The following BTBD9 variants were observed in gnomAD, a reference collection of about 807,000 sequenced individuals.
The protein encoded by BTBD9 is BTB domain containing 9.
Under a neutral mutation model 64.3 loss-of-function variants are expected in BTBD9, and 49 were observed. The ratio of observed to expected loss-of-function variants is 0.76; its 90% confidence interval spans 0.61 to 0.97. The LOEUF (loss-of-function observed/expected upper bound fraction) is 0.97. Among genes scored for constraint, BTBD9 ranks in the 50% least tolerant of loss-of-function variants. The pLI, the probability that BTBD9 is intolerant of heterozygous loss-of-function variation, is 0.00. For missense variants in BTBD9, 598 were observed against 762.1 expected (o/e 0.78, Z 2.53); for synonymous variants, 260 against 274.7 (o/e 0.95, Z 0.53).
At chr6:38,524,870 C>G (rs1404519401) in intron 6 of BTBD9, among the ~76,000 whole-genome samples, 1 of 152,096 alleles carries the variant, frequency 6.6e-6, no homozygotes, top group African/African-American at 2.4e-5. Flanking sequence ...TTTTGTCCTT[C>G]CTTCCTCTCT....
chr6:38,200,891 A>G (rs535115806), intron 9 of BTBD9, among the ~76,000 whole-genome samples: 1 of 152,298 alleles, frequency 6.6e-6, no homozygotes, highest in East Asian at 1.9e-4. Context: ...TAGGTGGCAC[A>G]TGCCTGTAAT....
intron 7 of BTBD9, among the ~76,000 whole-genome samples, chr6:38,310,833 C>T (rs562074977): frequency 2.8e-5 from 4 of 143,268 alleles, no homozygotes; most frequent in African/African-American, 7.6e-5. Flanking sequence ...TTTTTTGAGA[C>T]GAAGTCTCGC....
intron 1 of BTBD9, among the ~76,000 whole-genome samples, chr6:38,632,128 C>CA (rs560417261): frequency 1.4e-5 from 2 of 147,534 alleles, no homozygotes; most frequent in African/African-American, 2.5e-5. Context: ...AACTCCATCT[C>CA]AAAAAAAAAA....
chr6:38,397,521 T>C (rs1324230940), intron 6 of BTBD9, among the ~76,000 whole-genome samples: 1 of 152,188 alleles, frequency 6.6e-6, no homozygotes, highest in Non-Finnish European at 1.5e-5. Flanking sequence ...TTAATTACCT[T>C]GAGGCATTCT....
At chr6:38,395,486 A>C (rs981012565) in intron 6 of BTBD9, among the ~76,000 whole-genome samples, 2 of 152,080 alleles carry the variant, frequency 1.3e-5, no homozygotes, top group African/African-American at 4.8e-5. Flanking sequence ...GCCACCTATA[A>C]ATGAGTAAAT....
chr6:38,443,419 T>C (rs558371229), intron 6 of BTBD9, among the ~76,000 whole-genome samples: 1 of 152,200 alleles, frequency 6.6e-6, no homozygotes, highest in Non-Finnish European at 1.5e-5. Flanking sequence ...TTCATGTTCA[T>C]TTCACAATGC....
At chr6:38,373,062 G>A (rs1310360958) in intron 6 of BTBD9, among the ~76,000 whole-genome samples, 2 of 152,126 alleles carry the variant, frequency 1.3e-5, no homozygotes, top group Non-Finnish European at 2.9e-5. Context: ...GTGGTGACCA[G>A]CAGCAAGCAC....
intron 6 of BTBD9, among the ~76,000 whole-genome samples, chr6:38,526,726 T>C (rs185513185): frequency 1.8e-4 from 28 of 152,374 alleles, no homozygotes; most frequent in African/African-American, 5.8e-4. Context: ...CTGCTGGATT[T>C]TGGACTTGCA....
chr6:38,250,721 T>C (rs1055679277), intron 9 of BTBD9, among the ~76,000 whole-genome samples: 3 of 152,204 alleles, frequency 2.0e-5, no homozygotes, highest in African/African-American at 7.2e-5. Flanking sequence ...TGGGTGGTAA[T>C]TTCTTCATCA....
chr6:38,202,939 C>T (rs760319844), intron 9 of BTBD9, among the ~76,000 whole-genome samples: 20 of 152,138 alleles, frequency 1.3e-4, no homozygotes, highest in East Asian at 3.9e-4. Context: ...AGAAAATACC[C>T]GCAAACTATT....
intron 9 of BTBD9, among the ~76,000 whole-genome samples, chr6:38,197,965 G>A (rs1033319293): frequency 2.6e-5 from 4 of 152,192 alleles, no homozygotes; most frequent in African/African-American, 9.7e-5. Flanking sequence ...CGAGGACTGG[G>A]ACTGCTGATG....
rs780670940 is a variant in BTBD9 at position 38,325,663 on chromosome 6, C to T, written c.1264+19321G>A. Among the ~76,000 whole-genome samples, 35 of 152,258 alleles carry T rather than the reference C, an allele frequency of 2.3e-4. 1 individual carries two copies. The highest frequency in any genetic ancestry group is 1.6e-3 in the Admixed American group (24 of 15,300). On this transcript the variant is annotated intron_variant, in intron 7 of 10. Coordinates refer to ENST00000481247, the MANE Select transcript of BTBD9 (RefSeq NM_001099272.2). ...TCGTGCCACTGCACTCCAGCCTGGG[C>T]AACAGAGCAAGACTCCGTCTCAAAA... is the stretch of plus-strand genomic sequence containing the variant.
intron 9 of BTBD9, among the ~76,000 whole-genome samples, chr6:38,249,233 C>T (rs1764307902): frequency 6.6e-6 from 1 of 152,132 alleles, no homozygotes; most frequent in African/African-American, 2.4e-5. Flanking sequence ...TTGTTCTCTG[C>T]AATCGCCATG....
intron 1 of BTBD9, among the ~76,000 whole-genome samples, chr6:38,618,402 A>C (rs572930341): frequency 1.3e-5 from 2 of 152,230 alleles, no homozygotes; most frequent in Admixed American, 6.5e-5. Context: ...TTTTCATTGA[A>C]GTATAATCCA....
At chr6:38,177,244 C>A (rs1408969978) in intron 10 of BTBD9, among the ~76,000 whole-genome samples, 1 of 152,214 alleles carries the variant, frequency 6.6e-6, no homozygotes, top group African/African-American at 2.4e-5. Context: ...CTCCTTATTA[C>A]CTTTTCTCAA....
intron 6 of BTBD9, among the ~76,000 whole-genome samples, chr6:38,465,461 CAAAAAAA>C (rs762391834): frequency 1.3e-4 from 9 of 67,494 alleles, no homozygotes; most frequent in African/African-American, 3.0e-4. Flanking sequence ...ACTAAAAATA[CAAAAAAA>C]AAAAAAAAAA....
intron 6 of BTBD9, among the ~76,000 whole-genome samples, chr6:38,546,502 T>A (rs1774560347): frequency 6.6e-6 from 1 of 152,196 alleles, no homozygotes; most frequent in Admixed American, 6.5e-5. Flanking sequence ...AGATACTGTG[T>A]TTTTCAAAAA....
chr6:38,419,275 A>G (rs1767802519), intron 6 of BTBD9, among the ~76,000 whole-genome samples: 1 of 152,232 alleles, frequency 6.6e-6, no homozygotes, highest in South Asian at 2.1e-4. Flanking sequence ...CCACTATTAT[A>G]TTAAACCTGT....
intron 6 of BTBD9, among the ~76,000 whole-genome samples, chr6:38,480,675 A>G (rs1291315616): frequency 6.6e-6 from 1 of 152,188 alleles, no homozygotes; most frequent in Non-Finnish European, 1.5e-5. Context: ...CCACTGTTCT[A>G]AGTAATGGAA....
Sources: allele counts gnomAD v4.1 joint callset (sites outside exome capture counted in the v4.1 genomes callset), GRCh38; gene constraint gnomAD v4.1.1; transcripts MANE v1.5; gene names NCBI Gene and HGNC (gene_info 2026-07-23, HGNC 2026-07-21).